The following CCDC60 variants were observed in gnomAD, a reference collection of about 807,000 sequenced individuals.
CCDC60 encodes coiled-coil domain containing 60, also known as coiled-coil domain-containing protein 60.
A neutral mutation model predicts 63.5 loss-of-function variants in CCDC60; 54 were observed. That is an observed-to-expected ratio of 0.85 (90% confidence interval 0.68 to 1.07). The LOEUF is 1.07. Among genes scored for constraint, CCDC60 ranks in the 50% least tolerant of loss-of-function variants. The pLI is 0.00. For synonymous variants in CCDC60, 206 were observed against 238.8 expected, an observed-to-expected ratio of 0.86 and a Z score of 1.27; for missense variants, 651 against 684.3, an observed-to-expected ratio of 0.95 and a Z score of 0.54.
chr12:119,505,369 A>C (rs1593185188), intron 7 of CCDC60, 66 bp downstream of exon 7: 12 of 1,069,194 alleles, frequency 1.1e-5, no homozygotes, highest in Admixed American at 3.8e-5. Context: ...ACATCAAGAA[A>C]CCCTCCTGCC....
At chr12:119,439,704 A>ATGTT (rs1164298995) in intron 2 of CCDC60, among the ~76,000 whole-genome samples, 1 of 152,174 alleles carries the variant, frequency 6.6e-6, no homozygotes, top group South Asian at 2.1e-4. Flanking sequence ...GTAGTCACAG[A>ATGTT]TGTTTAAGAA....
chr12:119,360,396 C>T (rs1459159279), intron 1 of CCDC60, among the ~76,000 whole-genome samples: 1 of 149,570 alleles, frequency 6.7e-6, no homozygotes, highest in African/African-American at 2.5e-5. Context: ...GGGGCTGACC[C>T]CCCCACCTCC....
chr12:119,501,711 A>G (rs987827054), intron 6 of CCDC60, among the ~76,000 whole-genome samples: 5 of 152,276 alleles, frequency 3.3e-5, no homozygotes, highest in Admixed American at 3.3e-4. Flanking sequence ...GGAGCTACAA[A>G]CCTTTAAAAA....
chr12:119,359,868 A>G (rs1428254626), intron 1 of CCDC60, among the ~76,000 whole-genome samples: 1 of 151,872 alleles, frequency 6.6e-6, no homozygotes, highest in Non-Finnish European at 1.5e-5. Flanking sequence ...ACAGATCAAC[A>G]GGATCCCAAG....
chr12:119,465,181 C>T (rs1349026309), intron 2 of CCDC60, among the ~76,000 whole-genome samples: 4 of 151,844 alleles, frequency 2.6e-5, no homozygotes, highest in Non-Finnish European at 4.4e-5. Context: ...GGCCTGGTGG[C>T]GGGCGCCTGT....
At chr12:119,481,998 G>A (rs12315263) in intron 4 of CCDC60, among the ~76,000 whole-genome samples, 6 of 76,024 alleles carry the variant, frequency 7.9e-5, no homozygotes, top group Admixed American at 3.3e-4. Flanking sequence ...ATATATATAT[G>A]TATATATAGT....
At chr12:119,485,335 T>C (rs187884428) in intron 4 of CCDC60, among the ~76,000 whole-genome samples, 336 of 152,268 alleles carry the variant, frequency 2.2e-3, no homozygotes, top group African/African-American at 7.6e-3. Context: ...CTGCAGGTGG[T>C]AGCACAAGGA....
At chr12:119,465,379 G>A (rs567826401) in intron 2 of CCDC60, among the ~76,000 whole-genome samples, 2 of 152,174 alleles carry the variant, frequency 1.3e-5, no homozygotes, top group East Asian at 3.9e-4. Flanking sequence ...CAGCTTCCAG[G>A]TATCCCACCT....
At chr12:119,501,555 G>C (rs531060005) in intron 6 of CCDC60, among the ~76,000 whole-genome samples, 5 of 152,210 alleles carry the variant, frequency 3.3e-5, no homozygotes, top group African/African-American at 1.2e-4. Flanking sequence ...CATGATTATA[G>C]TTGCCCCTCA....
At chr12:119,427,210 T>C (rs1425759486) in intron 1 of CCDC60, among the ~76,000 whole-genome samples, 1 of 152,200 alleles carries the variant, frequency 6.6e-6, no homozygotes, top group Non-Finnish European at 1.5e-5. Context: ...TGCCATAATC[T>C]CACCCCCAGA....
At chr12:119,369,724 G>T (rs569127084) in intron 1 of CCDC60, among the ~76,000 whole-genome samples, 1 of 152,234 alleles carries the variant, frequency 6.6e-6, no homozygotes, top group Non-Finnish European at 1.5e-5. Flanking sequence ...GTTGTTAGGA[G>T]GTTAATGTGT....
intron 2 of CCDC60, among the ~76,000 whole-genome samples, chr12:119,463,553 C>T (rs1412660797): frequency 6.6e-6 from 1 of 152,252 alleles, no homozygotes; most frequent in Non-Finnish European, 1.5e-5. Flanking sequence ...AGGACAAATA[C>T]ATTAACACAC....
chr12:119,472,576 C>CT lies in CCDC60; in HGVS notation c.341+434dup, dbSNP rs11303138. Reference sequence around the variant, plus strand: ...AAACCAGGTGCATAAAAAATGCCTCCTTTTTTTTTTTTTTTTTTTTTTGAT... The same window carrying CT: ...AAACCAGGTGCATAAAAAATGCCTCCTTTTTTTTTTTTTTTTTTTTTTTGAT... On this transcript the variant is annotated intron_variant, in intron 3 of 13. Transcript: ENST00000327554. 8.8e-3 allele frequency among the ~76,000 whole-genome samples: 863 copies of CT among 97,654 alleles called. 14 individuals carry two copies. The highest frequency in any genetic ancestry group is 0.016 in the African/African-American group (385 of 24,286). 64.1% of individuals were successfully genotyped at this position (97,654 alleles called of 152,430 possible).
intron 8 of CCDC60, among the ~76,000 whole-genome samples, chr12:119,517,585 G>T (rs547029902): frequency 6.6e-6 from 1 of 152,322 alleles, no homozygotes; most frequent in East Asian, 1.9e-4. Context: ...GAGCCAGCCT[G>T]ATGAGGCTGG....
At chr12:119,479,772 A>C (rs1951259463) in intron 4 of CCDC60, 1 of 152,266 alleles carries the variant, frequency 6.6e-6, no homozygotes, top group Non-Finnish European at 1.5e-5. Context: ...ACAGGGATAC[A>C]AGCTTCTGAC....
intron 2 of CCDC60, among the ~76,000 whole-genome samples, chr12:119,445,264 T>G (rs1490440476): frequency 2.0e-5 from 3 of 151,210 alleles, no homozygotes; most frequent in Non-Finnish European, 2.9e-5. Context: ...TGAAACCCCG[T>G]CTCTACTAAA....
At chr12:119,437,170 T>A (rs1388140101) in intron 2 of CCDC60, among the ~76,000 whole-genome samples, 1 of 152,208 alleles carries the variant, frequency 6.6e-6, no homozygotes, top group Admixed American at 6.5e-5. Flanking sequence ...CTTTGAGATA[T>A]GGTTTGTGTC....
chr12:119,360,467 C>T (rs1049288612), intron 1 of CCDC60, among the ~76,000 whole-genome samples: 2 of 150,894 alleles, frequency 1.3e-5, no homozygotes, highest in African/African-American at 2.4e-5. Flanking sequence ...GGGTGGCTGC[C>T]GGGCGGAGAG....
At position 119,456,754 on chromosome 12, in the gene CCDC60, C is replaced by T. The variant is rs1009506669; in HGVS notation, c.171-15240C>T. Among the ~76,000 whole-genome samples, 6 of 152,180 alleles carry T rather than the reference C, an allele frequency of 3.9e-5. No homozygotes were observed. Among genetic ancestry groups the T allele is most frequent in the Non-Finnish European group, 7.4e-5 (5 of 68,026 alleles). On this transcript the variant is annotated intron_variant, in intron 2 of 13. Transcript: ENST00000327554. The surrounding 1 kb of genome is among the most constrained non-coding windows in gnomAD (Gnocchi z 4.6). ...CATGTAGGGTAACTTCCTGACATTG[C>T]CATGGCATTGGTAAACTGTCATGGC...
Sources: allele counts gnomAD v4.1 joint callset (sites outside exome capture counted in the v4.1 genomes callset), GRCh38; gene constraint gnomAD v4.1.1; non-coding constraint Gnocchi (gnomAD v3.1); transcripts MANE v1.5; gene names NCBI Gene and HGNC (gene_info 2026-07-23, HGNC 2026-07-21).